Variants in MBNL1 observed in about 807,000 individuals in gnomAD.
The protein encoded by MBNL1 is muscleblind-like protein 1.
MBNL1 carries 8 observed loss-of-function variants against 42.2 expected under a neutral mutation model. That is an observed-to-expected ratio of 0.19 (90% confidence interval 0.11 to 0.34). The LOEUF (loss-of-function observed/expected upper bound fraction) is 0.34. Among genes scored for constraint, MBNL1 ranks in the 10% least tolerant of loss-of-function variants. The pLI, the probability that MBNL1 is intolerant of heterozygous loss-of-function variation, is 1.00. For missense variants in MBNL1, 309 were observed against 495.3 expected (o/e 0.62, Z 3.57); for synonymous variants, 169 against 173.9 (o/e 0.97, Z 0.22).
chr3:152,295,973 C>T (rs188010992), intron 1 of MBNL1, among the ~76,000 whole-genome samples: 10 of 152,316 alleles, frequency 6.6e-5, no homozygotes, highest in Non-Finnish European at 2.9e-5. Flanking sequence ...TGTTACAGGT[C>T]AAGTAAAGGC....
chr3:152,359,194 A>G (rs1429818267), intron 2 of MBNL1, among the ~76,000 whole-genome samples: 2 of 152,228 alleles, frequency 1.3e-5, no homozygotes, highest in African/African-American at 4.8e-5. Flanking sequence ...AGCAGAAGAA[A>G]CTATATGTAT....
chr3:152,332,619 CT>C, intron 2 of MBNL1, among the ~76,000 whole-genome samples: 1 of 151,298 alleles, frequency 6.6e-6, no homozygotes, highest in African/African-American at 2.4e-5. Context: ...TTTCTTACAG[CT>C]TATGGCTAAA....
intron 2 of MBNL1, among the ~76,000 whole-genome samples, chr3:152,337,601 G>T (rs1428990208): frequency 6.6e-6 from 1 of 150,854 alleles, no homozygotes; most frequent in African/African-American, 2.4e-5. Flanking sequence ...CTTCCAGCCT[G>T]GGCAACAGAG....
intron 2 of MBNL1, among the ~76,000 whole-genome samples, chr3:152,366,822 G>A (rs2096399654): frequency 6.6e-6 from 1 of 152,054 alleles, no homozygotes; most frequent in African/African-American, 2.4e-5. Flanking sequence ...ATTTTAGATG[G>A]TGAATAAAGA....
intron 2 of MBNL1, among the ~76,000 whole-genome samples, chr3:152,388,940 AAT>A (rs2097558919): frequency 6.6e-6 from 1 of 152,222 alleles, no homozygotes; most frequent in South Asian, 2.1e-4. Flanking sequence ...GTTACTGGAA[AAT>A]ATGAATGTAG....
At chr3:152,324,824 T>G (rs558023350) in intron 2 of MBNL1, among the ~76,000 whole-genome samples, 1 of 152,188 alleles carries the variant, frequency 6.6e-6, no homozygotes, top group South Asian at 2.1e-4. Flanking sequence ...GCACGTACCT[T>G]GGGATTGATG....
At chr3:152,312,388 T>C (rs2067271649) in intron 2 of MBNL1, among the ~76,000 whole-genome samples, 1 of 152,218 alleles carries the variant, frequency 6.6e-6, no homozygotes, top group Non-Finnish European at 1.5e-5. Flanking sequence ...CATTGTGTTT[T>C]GGCGATTTTC....
intron 4 of MBNL1, among the ~76,000 whole-genome samples, chr3:152,434,257 T>C (rs1361075058): frequency 6.6e-6 from 1 of 152,198 alleles, no homozygotes; most frequent in Non-Finnish European, 1.5e-5. Context: ...TTTGTGTCCA[T>C]GAGGTCTCAT....
At chr3:152,338,206 C>G in intron 2 of MBNL1, 1 of 985,414 alleles carries the variant, frequency 1.0e-6, no homozygotes, top group South Asian at 4.7e-5. Flanking sequence ...TGTTGCATTT[C>G]TCCATTGCTT....
rs576330728 is a variant in MBNL1, at chr3:152,441,760, G to A, written c.550-3522G>A. On this transcript the variant is annotated intron_variant, in intron 4 of 9. Coordinates refer to ENST00000324210, the MANE Select transcript of MBNL1 (RefSeq NM_021038.5). ...TATGTGTAGCTAAATAGATCTTATT[G>A]TTTTAATGCAGGTTTGAAAACCATT... 2.8e-4 allele frequency among the ~76,000 whole-genome samples: 42 copies of A among 152,216 alleles called. 1 individual carries two copies. In the South Asian group the frequency reaches 8.7e-3, roughly 32 times the overall value.
chr3:152,384,692 A>G (rs777903453), intron 2 of MBNL1, among the ~76,000 whole-genome samples: 1 of 152,160 alleles, frequency 6.6e-6, no homozygotes, highest in Non-Finnish European at 1.5e-5. Context: ...TGCAGGTTTT[A>G]TATGATGTTT....
At position 152,434,897 on chromosome 3, in the gene MBNL1, G is replaced by GT. The variant is rs1430454512; in HGVS notation, c.549+1983dup. Among the ~76,000 whole-genome samples, 4 of 151,884 alleles carry GT rather than the reference G, an allele frequency of 2.6e-5. No individual in the cohort carries two copies. The East Asian group carries it at 7.7e-4, about 29-fold the overall frequency. ...CACCCACTTTGTAATAGGGTTGTTT[G>GT]TTTTTTGCTCGTAAATTTAAGTTCC... On this transcript the variant is annotated intron_variant, in intron 4 of 9. Coordinates refer to ENST00000324210, the MANE Select transcript of MBNL1 (RefSeq NM_021038.5).
rs117444218 is a variant in MBNL1 at position 152,451,913 on chromosome 3, A to C, written c.962-3629A>C. 5.9e-5 allele frequency among the ~76,000 whole-genome samples: 9 copies of C among 152,334 alleles called. No homozygotes were observed. The East Asian group carries it at 1.7e-3, about 29-fold the overall frequency. Reference sequence around the variant, plus strand: ...TAGTAAGGTACAGTGATTTGTCCCAAGTTAAATGGCTTTTGTAAGGTTTAG... The same window carrying C: ...TAGTAAGGTACAGTGATTTGTCCCACGTTAAATGGCTTTTGTAAGGTTTAG... On this transcript the variant is annotated intron_variant, in intron 6 of 9. Coordinates refer to ENST00000324210, the MANE Select transcript of MBNL1 (RefSeq NM_021038.5).
At chr3:152,288,343 C>T (rs1329740339) in intron 1 of MBNL1, among the ~76,000 whole-genome samples, 1 of 152,102 alleles carries the variant, frequency 6.6e-6, no homozygotes, top group Non-Finnish European at 1.5e-5. Flanking sequence ...CAGGGAGACT[C>T]CCCACTCCTG....
chr3:152,426,163 A>T (rs998557996), intron 3 of MBNL1, among the ~76,000 whole-genome samples: 1 of 141,406 alleles, frequency 7.1e-6, no homozygotes, highest in African/African-American at 2.7e-5. Flanking sequence ...ACATGTGGGC[A>T]CGGGGGGGGA....
intron 1 of MBNL1, among the ~76,000 whole-genome samples, chr3:152,283,085 G>A (rs1295618824): frequency 1.3e-5 from 2 of 152,128 alleles, no homozygotes; most frequent in Non-Finnish European, 2.9e-5. Flanking sequence ...AGGTCAAACT[G>A]GACAGCCAGG....
At chr3:152,449,599 T>C (rs977484554) in intron 6 of MBNL1, among the ~76,000 whole-genome samples, 2 of 152,164 alleles carry the variant, frequency 1.3e-5, no homozygotes, top group African/African-American at 4.8e-5. Flanking sequence ...TTTTTGTCTG[T>C]GGATAGAGCC....
At chr3:152,430,966 G>A (rs1237780798) in intron 3 of MBNL1, among the ~76,000 whole-genome samples, 1 of 152,204 alleles carries the variant, frequency 6.6e-6, no homozygotes, top group Non-Finnish European at 1.5e-5. Flanking sequence ...AGTTGAAATG[G>A]TATAATCTAT....
At chr3:152,383,444 C>T (rs2097268980) in intron 2 of MBNL1, among the ~76,000 whole-genome samples, 1 of 151,902 alleles carries the variant, frequency 6.6e-6, no homozygotes, top group Admixed American at 6.6e-5. Context: ...GTACAGAGCC[C>T]AAGGGTATTC....
Sources: allele counts gnomAD v4.1 joint callset (sites outside exome capture counted in the v4.1 genomes callset), GRCh38; gene constraint gnomAD v4.1.1; transcripts MANE v1.5; gene names NCBI Gene and HGNC (gene_info 2026-07-23, HGNC 2026-07-21).